Variants in SETBP1 observed in about 807,000 individuals in gnomAD.
The protein encoded by SETBP1 is SET-binding protein.
In SETBP1, 9 loss-of-function variants were observed where a neutral mutation model predicts 101.0. The observed-to-expected ratio is 0.09, with a 90% CI of 0.05 to 0.16. SETBP1 has a LOEUF of 0.16. SETBP1 is among the 10% of genes least tolerant of loss of function. The pLI is 1.00. For synonymous variants in SETBP1, 818 were observed against 788.5 expected, an observed-to-expected ratio of 1.04 and a Z score of -0.63; for missense variants, 1,858 against 2,033.8, an observed-to-expected ratio of 0.91 and a Z score of 1.66.
At chr18:44,787,104 G>T (rs78417343) in intron 2 of SETBP1, among the ~76,000 whole-genome samples, 1,972 of 152,228 alleles carry the variant, frequency 0.013, 36 homozygotes, top group African/African-American at 0.044. Flanking sequence ...GGACAATAGT[G>T]CTTTCAAAGG....
chr18:44,981,953 C>T (rs903353318), intron 4 of SETBP1, among the ~76,000 whole-genome samples: 6 of 152,130 alleles, frequency 3.9e-5, no homozygotes, highest in Non-Finnish European at 5.9e-5. Context: ...TTTCTATTCA[C>T]GCTGTTCAAA....
chr18:45,022,177 C>A (rs188830355), intron 4 of SETBP1, among the ~76,000 whole-genome samples: 1 of 152,300 alleles, frequency 6.6e-6, no homozygotes, highest in East Asian at 1.9e-4. Context: ...AGACATCCTT[C>A]ATGACTCCAT....
At chr18:44,925,091 A>G (rs1321599474) in intron 3 of SETBP1, among the ~76,000 whole-genome samples, 2 of 138,298 alleles carry the variant, frequency 1.4e-5, no homozygotes, top group Non-Finnish European at 3.0e-5. Flanking sequence ...AAGTTGCTAC[A>G]GTTCTGCCTG....
intron 3 of SETBP1, among the ~76,000 whole-genome samples, chr18:44,918,396 G>A (rs759557733): frequency 6.6e-5 from 10 of 152,192 alleles, no homozygotes; most frequent in Non-Finnish European, 1.3e-4. Context: ...GGCTTCCTCG[G>A]CAGCGGCCTT....
At chr18:45,018,064 A>C (rs1175754105) in intron 4 of SETBP1, among the ~76,000 whole-genome samples, 1 of 152,170 alleles carries the variant, frequency 6.6e-6, no homozygotes, top group African/African-American at 2.4e-5. Flanking sequence ...GATCCTTCCC[A>C]GTCCTGATAG....
intron 4 of SETBP1, among the ~76,000 whole-genome samples, chr18:45,036,062 C>T (rs953756005): frequency 2.0e-4 from 31 of 152,098 alleles, no homozygotes; most frequent in African/African-American, 6.0e-4. Context: ...GGCCAGGTGC[C>T]GTGGCTTATG....
intron 2 of SETBP1, among the ~76,000 whole-genome samples, chr18:44,781,471 C>CTG (rs1350941593): frequency 1.3e-5 from 2 of 151,020 alleles, no homozygotes; most frequent in African/African-American, 2.4e-5. Flanking sequence ...CTCTCTCTCT[C>CTG]TGTCTCTGTC....
At chr18:44,847,223 A>G (rs1031212628) in intron 2 of SETBP1, among the ~76,000 whole-genome samples, 6 of 152,354 alleles carry the variant, frequency 3.9e-5, no homozygotes, top group African/African-American at 1.4e-4. Context: ...TAGCAGTCCA[A>G]TTCTTGCTTC....
At chr18:44,973,097 A>G (rs1270184331) in intron 4 of SETBP1, among the ~76,000 whole-genome samples, 1 of 152,180 alleles carries the variant, frequency 6.6e-6, no homozygotes, top group Non-Finnish European at 1.5e-5. Context: ...GGGTAGTTGA[A>G]TTTTGTCAAA....
At chr18:44,984,361 A>G (rs2145251163) in intron 4 of SETBP1, among the ~76,000 whole-genome samples, 1 of 152,310 alleles carries the variant, frequency 6.6e-6, no homozygotes, top group East Asian at 1.9e-4. Context: ...ATCATCAGAC[A>G]TTAGATTCTG....
chr18:44,828,259 C>A (rs1483158353), intron 2 of SETBP1, among the ~76,000 whole-genome samples: 1 of 152,020 alleles, frequency 6.6e-6, no homozygotes, highest in Non-Finnish European at 1.5e-5. Flanking sequence ...TAGGAAGTTC[C>A]GTTATGTTGA....
At chr18:44,802,880 GC>G (rs569138297) in intron 2 of SETBP1, among the ~76,000 whole-genome samples, 93 of 152,060 alleles carry the variant, frequency 6.1e-4, no homozygotes, top group Non-Finnish European at 1.2e-3. Flanking sequence ...CAAGAACCAA[GC>G]TTTTTGTTTG....
chr18:45,029,391 A>C (rs1019470109), intron 4 of SETBP1, among the ~76,000 whole-genome samples: 7 of 152,192 alleles, frequency 4.6e-5, no homozygotes, highest in South Asian at 4.1e-4. Flanking sequence ...TGGTACCAGT[A>C]CCATGCTGTT....
intron 2 of SETBP1, among the ~76,000 whole-genome samples, chr18:44,730,829 A>C (rs564901426): frequency 5.9e-5 from 9 of 152,342 alleles, no homozygotes; most frequent in African/African-American, 2.2e-4. Context: ...AGATGTTCTA[A>C]TTATCTACTG....
At chr18:45,020,104 T>G (rs1386227516) in intron 4 of SETBP1, among the ~76,000 whole-genome samples, 1 of 151,746 alleles carries the variant, frequency 6.6e-6, no homozygotes, top group Non-Finnish European at 1.5e-5. Context: ...CGTTTGGTCT[T>G]CAGCCGTGGA....
At chr18:44,834,420 A>T (rs981794739) in intron 2 of SETBP1, among the ~76,000 whole-genome samples, 5 of 152,210 alleles carry the variant, frequency 3.3e-5, no homozygotes, top group Non-Finnish European at 7.4e-5. Flanking sequence ...AGTATAGATT[A>T]TAAAACGGTA....
chr18:45,036,816 A>G (rs1287121382), intron 4 of SETBP1, among the ~76,000 whole-genome samples: 1 of 152,192 alleles, frequency 6.6e-6, no homozygotes, highest in Non-Finnish European at 1.5e-5. Flanking sequence ...AGCATGAAAC[A>G]TGCTGTCAGC....
intron 4 of SETBP1, among the ~76,000 whole-genome samples, chr18:45,010,588 G>A (rs2145373909): frequency 1.3e-5 from 2 of 152,298 alleles, no homozygotes; most frequent in Middle Eastern, 6.8e-3. Context: ...TAATGCTGAG[G>A]CAGCACGTAT....
chr18:44,798,895 C>G (rs1024320065), intron 2 of SETBP1, among the ~76,000 whole-genome samples: 1 of 152,182 alleles, frequency 6.6e-6, no homozygotes, highest in African/African-American at 2.4e-5. Context: ...CAAGGTCAGC[C>G]CCATACTTAG....
Sources: gnomAD v4.1 joint callset for allele counts (sites outside exome capture counted in the v4.1 genomes callset) on GRCh38, gnomAD v4.1.1 for gene constraint, MANE v1.5 for transcripts, NCBI Gene and HGNC (gene_info 2026-07-23, HGNC 2026-07-21) for gene names.